PALS1: variants seen among roughly 807,000 people sequenced by gnomAD.
PALS1 encodes the protein protein associated with LIN7 1, MAGUK p55 family member.
PALS1 carries 31 observed loss-of-function variants against 78.9 expected under a neutral mutation model. The observed-to-expected ratio is 0.39, with a 90% CI of 0.30 to 0.53. The LOEUF (loss-of-function observed/expected upper bound fraction) is 0.53. Among genes scored for constraint, PALS1 ranks in the 20% least tolerant of loss-of-function variants. The probability of loss-of-function intolerance (pLI) is 0.67; values close to 1 mark genes in which losing one functional copy is unlikely to be tolerated. For synonymous variants in PALS1, 276 were observed against 270.9 expected (o/e 1.02, Z -0.18); for missense variants, 704 against 826.5 (o/e 0.85, Z 1.82).
chr14:67,251,419 G>A (rs1318832943), intron 1 of PALS1, among the ~76,000 whole-genome samples: 5 of 152,112 alleles, frequency 3.3e-5, no homozygotes, highest in Admixed American at 3.3e-4. Flanking sequence ...TGTGGTCCCA[G>A]CTACTCAGGA....
chr14:67,322,366 A>C (rs1595616319), intron 13 of PALS1, among the ~76,000 whole-genome samples: 1 of 152,048 alleles, frequency 6.6e-6, no homozygotes, highest in South Asian at 2.1e-4. Flanking sequence ...AAACAAAAAA[A>C]CCTAATTTTA....
rs778708487 is a variant in PALS1, at chr14:67,303,515, A to G, written c.964-7A>G. On this transcript the variant is annotated splice_polypyrimidine_tract_variant and splice_region_variant and intron_variant, in intron 7 of 14. Transcript: ENST00000261681. ...ATTTAAAAAATAACCTGATCTTTCT[A>G]TTACAGTCTGATATGCATGGTACTT... The G allele has an allele frequency of 5.0e-6, 8 of 1,606,270 alleles. No homozygotes were observed. Among genetic ancestry groups the G allele is most frequent in the Non-Finnish European group, 6.0e-6 (7 of 1,173,012 alleles).
chr14:67,278,876 T>G (rs1444503514), intron 2 of PALS1, 142 bp from the exon 3 acceptor site: 1 of 184,562 alleles, frequency 5.4e-6, no homozygotes, highest in Non-Finnish European at 1.1e-5. Flanking sequence ...ATCTGTAAAG[T>G]GAAAGTACTT....
Position 67,248,487 on chromosome 14 carries a change from T to C in PALS1, c.-237+6954T>C, listed in dbSNP as rs535123125. ...AGTAGGACTTAAATTTTCTTGATTA[T>C]GATATAACATTATAAAAATTAAAAC... On this transcript the variant is annotated intron_variant, in intron 1 of 14. Transcript: ENST00000261681. 2.6e-5 allele frequency among the ~76,000 whole-genome samples: 4 copies of C among 152,366 alleles called. No homozygotes were observed. The South Asian group carries it at 8.3e-4, about 32-fold the overall frequency.
chr14:67,279,214 A>T lies in PALS1; in HGVS notation c.44A>T (p.Asp15Val). The change falls in exon 3 of 15, where the codon GAC becomes GTC. Residue 15 changes from aspartate to valine, a missense_variant. Asp to Val is a radical substitution (Grantham distance 152). Coordinates refer to ENST00000261681, the MANE Select transcript of PALS1 (RefSeq NM_022474.4). The part of the protein sequence containing the change: ...HMNGHVTEES[D>V]SEVKNVDLAS... Reference sequence around the variant, plus strand: ...AATGGGCATGTTACAGAGGAATCAGACAGCGAAGTAAAAAATGTTGATCTT... The same window carrying T: ...AATGGGCATGTTACAGAGGAATCAGTCAGCGAAGTAAAAAATGTTGATCTT... The T allele has an allele frequency of 6.2e-7, 1 of 1,611,880 alleles. No homozygotes were observed. The highest frequency in any genetic ancestry group is 8.5e-7 in the Non-Finnish European group (1 of 1,179,090).
At chr14:67,267,908 T>C (rs1362831337) in intron 1 of PALS1, among the ~76,000 whole-genome samples, 1 of 152,232 alleles carries the variant, frequency 6.6e-6, no homozygotes, top group African/African-American at 2.4e-5. Context: ...TTGTCCTTTC[T>C]TATTGCATTT....
intron 4 of PALS1, among the ~76,000 whole-genome samples, chr14:67,297,783 TTAAA>T (rs2084879018): frequency 6.6e-6 from 1 of 152,234 alleles, no homozygotes; most frequent in Non-Finnish European, 1.5e-5. Context: ...ATTGAATTCA[TTAAA>T]TATTTCAGTG....
chr14:67,330,455 A>ATTT (rs533831095), intron 14 of PALS1, among the ~76,000 whole-genome samples: 6 of 117,804 alleles, frequency 5.1e-5, no homozygotes, highest in Non-Finnish European at 7.2e-5. Flanking sequence ...ATTTCCCTTC[A>ATTT]TTTTTTTTTT....
chr14:67,244,144 A>G (rs2083949465), intron 1 of PALS1, among the ~76,000 whole-genome samples: 1 of 152,150 alleles, frequency 6.6e-6, no homozygotes, highest in African/African-American at 2.4e-5. Context: ...ACTAACTGCA[A>G]TTCATTCCCC....
In PALS1 at chr14:67,333,653, C is replaced by T. The variant is rs2085483458; in HGVS notation, c.*697C>T. ...ACACTCTAATCTACTTAAAGGTATA[C>T]AAAATATGCTGATCTTTTTTAAATT... On this transcript the variant is annotated 3_prime_UTR_variant, in exon 15 of 15. Coordinates refer to ENST00000261681, the MANE Select transcript of PALS1 (RefSeq NM_022474.4). 1 of 152,544 alleles carries T rather than the reference C, an allele frequency of 6.6e-6. No homozygotes were observed. The highest frequency in any genetic ancestry group is 1.5e-5 in the Non-Finnish European group (1 of 68,024). The allele number at this position is 152,544 out of a possible 1,614,324, so 9.4% of individuals were successfully genotyped here.
intron 1 of PALS1, among the ~76,000 whole-genome samples, chr14:67,261,116 G>A (rs2084229610): frequency 6.6e-6 from 1 of 152,206 alleles, no homozygotes; most frequent in East Asian, 1.9e-4. Flanking sequence ...CAGGTGCTTA[G>A]CATAGTGAAT....
chr14:67,327,342 C>T (rs1023381948), intron 14 of PALS1, among the ~76,000 whole-genome samples: 3 of 151,324 alleles, frequency 2.0e-5, no homozygotes, highest in African/African-American at 7.3e-5. Flanking sequence ...AACTGCTAAA[C>T]TGTTTTTAGT....
chr14:67,275,370 G>A (rs1595577076), intron 2 of PALS1, among the ~76,000 whole-genome samples: 1 of 152,150 alleles, frequency 6.6e-6, no homozygotes, highest in East Asian at 1.9e-4. Flanking sequence ...TGCATCTATT[G>A]AGATAATCAT....
At chr14:67,322,338 A>C (rs1318621820) in intron 13 of PALS1, among the ~76,000 whole-genome samples, 2 of 152,044 alleles carry the variant, frequency 1.3e-5, no homozygotes, top group Non-Finnish European at 2.9e-5. Flanking sequence ...GCAGAGTGAG[A>C]CTCTGTCTGA....
intron 1 of PALS1, among the ~76,000 whole-genome samples, chr14:67,257,987 G>A (rs2084173387): frequency 6.6e-6 from 1 of 151,980 alleles, no homozygotes; most frequent in South Asian, 2.1e-4. Flanking sequence ...TACTTCATTC[G>A]ATTGTCATTG....
chr14:67,314,325 CTT>C (rs1187601385), intron 9 of PALS1, among the ~76,000 whole-genome samples: 1 of 152,196 alleles, frequency 6.6e-6, no homozygotes, highest in Non-Finnish European at 1.5e-5. Context: ...GCCAAAGAGA[CTT>C]TTCTGGGTAC....
intron 8 of PALS1, among the ~76,000 whole-genome samples, chr14:67,308,546 CTTTTTTTT>C (rs375911648): frequency 1.9e-4 from 25 of 131,816 alleles, no homozygotes; most frequent in East Asian, 1.1e-3. Flanking sequence ...TTTTCTTTTT[CTTTTTTTT>C]TTTTTTTTGG....
intron 3 of PALS1, among the ~76,000 whole-genome samples, chr14:67,284,595 G>GCAATCATCA (rs2084656422): frequency 1.8e-5 from 2 of 113,792 alleles, no homozygotes; most frequent in East Asian, 4.7e-4. Flanking sequence ...AAAAGGTTGT[G>GCAATCATCA]CAATCATCAC....
At chr14:67,289,840 G>A (rs998504923) in intron 3 of PALS1, among the ~76,000 whole-genome samples, 5 of 142,778 alleles carry the variant, frequency 3.5e-5, no homozygotes, top group African/African-American at 1.3e-4. Flanking sequence ...GCACTATCTC[G>A]GTTCACTGCA....
Sources: gnomAD v4.1 joint callset for allele counts (sites outside exome capture counted in the v4.1 genomes callset) on GRCh38, gnomAD v4.1.1 for gene constraint, MANE v1.5 for transcripts, NCBI Gene and HGNC (gene_info 2026-07-23, HGNC 2026-07-21) for gene names.